EPB41L4B: variants seen among roughly 807,000 people sequenced by gnomAD.
The protein encoded by EPB41L4B is erythrocyte membrane protein band 4.1 like 4B, also known as band 4.1-like protein 4B.
In EPB41L4B, 30 loss-of-function variants were observed where a neutral mutation model predicts 112.5. That is an observed-to-expected ratio of 0.27 (90% CI 0.20 to 0.36). EPB41L4B has a LOEUF of 0.36. Ranked by LOEUF, EPB41L4B falls within the 10% of genes least tolerant of loss-of-function variation. The pLI is 1.00. For missense variants in EPB41L4B, 1,024 were observed against 1,133.3 expected (o/e 0.90, Z 1.38); for synonymous variants, 408 against 439.7 (o/e 0.93, Z 0.90).
At chr9:109,192,858 G>A (rs946936627) in intron 21 of EPB41L4B, among the ~76,000 whole-genome samples, 3 of 152,144 alleles carry the variant, frequency 2.0e-5, no homozygotes, top group African/African-American at 4.8e-5. Context: ...TGGCCTCGAG[G>A]TCTTTTAAGG....
chr9:109,293,417 T>G (rs1415268604), intron 1 of EPB41L4B, among the ~76,000 whole-genome samples: 2 of 151,938 alleles, frequency 1.3e-5, no homozygotes, highest in Non-Finnish European at 2.9e-5. Context: ...AGTTTCACTC[T>G]TGTTGCCAGG....
intron 1 of EPB41L4B, 63 bp downstream of exon 1, chr9:109,320,078 G>C: frequency 7.7e-7 from 1 of 1,301,604 alleles, no homozygotes; most frequent in Non-Finnish European, 9.9e-7. Flanking sequence ...CAAGCACTGG[G>C]GGAGGGGGAG....
At chr9:109,235,831 A>G (rs939812140) in intron 15 of EPB41L4B, among the ~76,000 whole-genome samples, 1 of 152,224 alleles carries the variant, frequency 6.6e-6, no homozygotes, top group Admixed American at 6.5e-5. Context: ...TCATTTATTG[A>G]TAATTCTCTT....
chr9:109,189,230 C>T (rs772858877), intron 22 of EPB41L4B, among the ~76,000 whole-genome samples: 1 of 152,130 alleles, frequency 6.6e-6, no homozygotes, highest in Non-Finnish European at 1.5e-5. Context: ...CGTGAAGCTG[C>T]AAAAGTTCTA....
chr9:109,317,005 T>C (rs573987576), intron 1 of EPB41L4B, among the ~76,000 whole-genome samples: 5 of 152,004 alleles, frequency 3.3e-5, no homozygotes, highest in African/African-American at 1.2e-4. Context: ...CTAGAGAGGC[T>C]GAGGTGGGAG....
At chr9:109,196,682 A>G (rs1832651838) in intron 20 of EPB41L4B, among the ~76,000 whole-genome samples, 1 of 141,544 alleles carries the variant, frequency 7.1e-6, no homozygotes, top group Non-Finnish European at 1.5e-5. Flanking sequence ...CGACCACTGC[A>G]CTCCAGCTTG....
At chr9:109,289,340 C>G (rs1836436570) in intron 1 of EPB41L4B, among the ~76,000 whole-genome samples, 1 of 152,214 alleles carries the variant, frequency 6.6e-6, no homozygotes, top group African/African-American at 2.4e-5. Flanking sequence ...CCTAGGATGC[C>G]CTTCTCCCGC....
At chr9:109,232,206 G>C (rs1482605842) in intron 15 of EPB41L4B, among the ~76,000 whole-genome samples, 1 of 151,896 alleles carries the variant, frequency 6.6e-6, no homozygotes. Flanking sequence ...TGGCCAGGCT[G>C]GTCTCAAACT....
intron 17 of EPB41L4B, among the ~76,000 whole-genome samples, chr9:109,211,718 CTTTT>C (rs200175519): frequency 2.6e-5 from 3 of 116,372 alleles, no homozygotes; most frequent in Non-Finnish European, 3.6e-5. Context: ...TATTTCTTTT[CTTTT>C]TTTTTTTTTT....
chr9:109,206,309 G>C (rs890022131), intron 18 of EPB41L4B, among the ~76,000 whole-genome samples: 1 of 151,992 alleles, frequency 6.6e-6, no homozygotes, highest in Non-Finnish European at 1.5e-5. Flanking sequence ...TCAGCCTCCC[G>C]AGTAGTAGGA....
chr9:109,245,744 C>T (rs1033444019), intron 14 of EPB41L4B, among the ~76,000 whole-genome samples: 10 of 152,184 alleles, frequency 6.6e-5, no homozygotes, highest in African/African-American at 2.4e-4. Flanking sequence ...CCAATCAGGC[C>T]ACTTCTCAGG....
chr9:109,182,603 C>A, intron 24 of EPB41L4B, 126 bp downstream of exon 24: 1 of 705,196 alleles, frequency 1.4e-6, no homozygotes, highest in Non-Finnish European at 2.5e-6. Flanking sequence ...AAGTTTCTTC[C>A]CAACCTCACA....
intron 1 of EPB41L4B, among the ~76,000 whole-genome samples, chr9:109,316,624 T>A (rs958971779): frequency 5.3e-5 from 8 of 152,308 alleles, no homozygotes; most frequent in African/African-American, 1.7e-4. Context: ...CCAGGGTTTC[T>A]GAAGAGGACT....
At chr9:109,189,922 G>T (rs897717595) in intron 22 of EPB41L4B, among the ~76,000 whole-genome samples, 2 of 150,124 alleles carry the variant, frequency 1.3e-5, no homozygotes, top group African/African-American at 4.9e-5. Flanking sequence ...ATACCACCAT[G>T]CCCAGCTTTT....
intron 24 of EPB41L4B, among the ~76,000 whole-genome samples, chr9:109,179,004 T>A (rs1431420569): frequency 1.3e-5 from 2 of 151,984 alleles, no homozygotes; most frequent in East Asian, 1.9e-4. Flanking sequence ...TTTTTAATAT[T>A]TGTTGAATGA....
In EPB41L4B at chr9:109,253,559, T is replaced by A. The variant is rs769721495; in HGVS notation, c.1170-9A>T. 7.0e-6 allele frequency: 11 copies of A among 1,571,496 alleles called. No individual in the cohort carries two copies. The Middle Eastern group carries it at 1.5e-3, about 215-fold the overall frequency. On this transcript the variant is annotated splice_polypyrimidine_tract_variant and intron_variant, in intron 11 of 25. Coordinates refer to ENST00000374566, the MANE Select transcript of EPB41L4B (RefSeq NM_019114.5). The stretch of plus-strand genomic sequence containing the variant: ...GATATTCTGTCCGCCCACTGGGAAG[T>A]AAATATTTTCTCGTGTGTTATCAAT...
At chr9:109,189,817 T>TG (rs1449840214) in intron 22 of EPB41L4B, among the ~76,000 whole-genome samples, 1 of 152,118 alleles carries the variant, frequency 6.6e-6, no homozygotes, top group Admixed American at 6.6e-5. Context: ...TTAGCAGAGA[T>TG]GGGGTTTCAC....
At chr9:109,315,642 C>T (rs2119286526) in intron 1 of EPB41L4B, among the ~76,000 whole-genome samples, 1 of 152,268 alleles carries the variant, frequency 6.6e-6, no homozygotes, top group Non-Finnish European at 1.5e-5. Context: ...CACTTTATAG[C>T]CACAGACCAC....
At chr9:109,248,113 C>A (rs1028612606) in intron 13 of EPB41L4B, among the ~76,000 whole-genome samples, 11 of 152,194 alleles carry the variant, frequency 7.2e-5, no homozygotes, top group African/African-American at 2.4e-4. Flanking sequence ...TAATTTTACT[C>A]CCATTTCAGG....
Sources: gnomAD v4.1 joint callset for allele counts (sites outside exome capture counted in the v4.1 genomes callset) on GRCh38, gnomAD v4.1.1 for gene constraint, MANE v1.5 for transcripts, NCBI Gene and HGNC (gene_info 2026-07-23, HGNC 2026-07-21) for gene names.